Variants in GPNMB observed in about 807,000 individuals in gnomAD.
GPNMB encodes transmembrane glycoprotein NMB.
GPNMB carries 71 observed loss-of-function variants against 57.3 expected under a neutral mutation model. The observed-to-expected ratio is 1.24, with a 90% CI of 1.02 to 1.51. The LOEUF (loss-of-function observed/expected upper bound fraction) is 1.51. GPNMB is among the 40% of genes most tolerant of loss of function. GPNMB has a pLI of 0.00. For synonymous variants in GPNMB, 253 were observed against 263.2 expected, an observed-to-expected ratio of 0.96 and a Z score of 0.38; for missense variants, 677 against 691.9, an observed-to-expected ratio of 0.98 and a Z score of 0.24.
At chr7:23,261,542 A>C (rs1782922957) in intron 6 of GPNMB, among the ~76,000 whole-genome samples, 1 of 152,122 alleles carries the variant, frequency 6.6e-6, no homozygotes, top group African/African-American at 2.4e-5. Flanking sequence ...CAGAAAACCA[A>C]ACGCCGCATG....
chr7:23,268,403 G>T (rs1273426595), intron 8 of GPNMB, among the ~76,000 whole-genome samples: 1 of 152,130 alleles, frequency 6.6e-6, no homozygotes, highest in African/African-American at 2.4e-5. Flanking sequence ...GCAGCTCACA[G>T]GAGTGCTCTT....
chr7:23,246,937 C>G lies in GPNMB; in HGVS notation c.70+10C>G, dbSNP rs1194641265. On this transcript the variant is annotated intron_variant, in intron 1 of 10. Transcript: ENST00000258733. ...CTTGATGCCGCCAAACGTGAGTAAC[C>G]CTTAATTTCTATGTTTAACCCATTC... The G allele has an allele frequency of 5.6e-6, 9 of 1,601,170 alleles. 1 individual carries two copies. In the Middle Eastern group the frequency reaches 5.0e-4, roughly 88 times the overall value.
intron 6 of GPNMB, among the ~76,000 whole-genome samples, chr7:23,262,978 T>C (rs1782966473): frequency 6.6e-6 from 1 of 152,152 alleles, no homozygotes; most frequent in African/African-American, 2.4e-5. Flanking sequence ...CAATTATAAC[T>C]GTATTGAACA....
Position 23,270,005 on chromosome 7 carries a change from C to T in GPNMB, c.1259C>T (p.Thr420Ile). 1 of 1,614,128 alleles carries T rather than the reference C, an allele frequency of 6.2e-7. No individual in the cohort carries two copies. Among genetic ancestry groups the T allele is most frequent in the Non-Finnish European group, 8.5e-7 (1 of 1,180,024 alleles). ...TEVCTIISDP[T>I]CEITQNTVCS... Reference sequence around the variant, plus strand: ...GTCTGTACCATCATTTCTGACCCCACCTGCGAGATCACCCAGAACACAGTC... The same window carrying T: ...GTCTGTACCATCATTTCTGACCCCATCTGCGAGATCACCCAGAACACAGTC... The change falls in exon 9 of 11, where the codon ACC becomes ATC. Residue 420 changes from threonine (T) to isoleucine (I), a missense_variant. Physicochemically the swap from Thr to Ile is moderately conservative, Grantham distance 89. Coordinates refer to ENST00000258733, the MANE Select transcript of GPNMB (RefSeq NM_002510.3).
At chr7:23,264,097 A>G (rs1317723287) in intron 6 of GPNMB, among the ~76,000 whole-genome samples, 5 of 91,156 alleles carry the variant, frequency 5.5e-5, no homozygotes, top group Non-Finnish European at 8.5e-5. Flanking sequence ...AACAAATCTG[A>G]AAAAAAAAAA....
chr7:23,248,114 C>G (rs1782577922), intron 1 of GPNMB: 3 of 152,340 alleles, frequency 2.0e-5, no homozygotes, highest in African/African-American at 7.2e-5. Context: ...TGCTCCATTT[C>G]CTCATTTCCT....
intron 6 of GPNMB, 117 bp from the exon 7 acceptor site, chr7:23,266,400 G>A: frequency 1.1e-6 from 1 of 917,234 alleles, no homozygotes; most frequent in Non-Finnish European, 1.7e-6. Flanking sequence ...TCATAGTATA[G>A]TGTTCCTGAT....
chr7:23,253,481 A>G, intron 2 of GPNMB, 22 bp downstream of exon 2: 1 of 1,599,796 alleles, frequency 6.3e-7, no homozygotes. Flanking sequence ...GATTCAAACC[A>G]AACACCTGCA....
At chr7:23,255,471 T>C (rs1044305707) in intron 3 of GPNMB, among the ~76,000 whole-genome samples, 2 of 152,244 alleles carry the variant, frequency 1.3e-5, no homozygotes, top group African/African-American at 4.8e-5. Context: ...GGATACTTAA[T>C]TTGGTTCCAT....
chr7:23,272,846 C>CTTTTTTTTTTTTTTTTTTTTTT (rs34346503), intron 9 of GPNMB, among the ~76,000 whole-genome samples: 1 of 139,636 alleles, frequency 7.2e-6, no homozygotes, highest in African/African-American at 2.7e-5. Context: ...AGGTGGTGAT[C>CTTTTTTTTTTTTTTTTTTTTTT]TTTTTTTTTT....
intron 7 of GPNMB, 82 bp downstream of exon 7, chr7:23,266,697 G>A: frequency 7.9e-7 from 1 of 1,266,900 alleles, no homozygotes; most frequent in South Asian, 1.4e-5. Flanking sequence ...ACTCTGAAGG[G>A]GTAGAGGTAG....
At chr7:23,271,473 T>C (rs6944399) in intron 9 of GPNMB, among the ~76,000 whole-genome samples, 6,272 of 152,234 alleles carry the variant, frequency 0.041, 360 homozygotes, top group East Asian at 0.12. Context: ...TATTTCCAGC[T>C]ACAAAAACAA....
intron 5 of GPNMB, 55 bp downstream of exon 5, chr7:23,260,193 T>C (rs1008627393): frequency 2.5e-6 from 4 of 1,582,570 alleles, no homozygotes; most frequent in Non-Finnish European, 3.5e-6. Flanking sequence ...TTGACGTCAA[T>C]GGGTTAAAAA....
At chr7:23,271,363 C>T (rs904687837) in intron 9 of GPNMB, among the ~76,000 whole-genome samples, 1 of 152,220 alleles carries the variant, frequency 6.6e-6, no homozygotes, top group Non-Finnish European at 1.5e-5. Flanking sequence ...TTACTTCACT[C>T]CTTAATTGGA....
At chr7:23,273,902 A>C in intron 10 of GPNMB, 163 bp from the exon 11 acceptor site, 2 of 599,972 alleles carry the variant, frequency 3.3e-6, no homozygotes, top group Non-Finnish European at 5.8e-6. Context: ...TTGCATGAAC[A>C]AGAGTAAATA....
intron 7 of GPNMB, 42 bp downstream of exon 7, chr7:23,266,657 T>C: frequency 6.3e-7 from 1 of 1,591,388 alleles, no homozygotes; most frequent in South Asian, 1.1e-5. Context: ...GATGCTAGAC[T>C]CCACCTAGGG....
At chr7:23,266,049 C>G (rs1259266199) in intron 6 of GPNMB, 1 of 156,418 alleles carries the variant, frequency 6.4e-6, no homozygotes, top group African/African-American at 2.4e-5. Flanking sequence ...CCCAGTTTCA[C>G]GCCATTCTCC....
At chr7:23,272,453 G>C (rs886121576) in intron 9 of GPNMB, among the ~76,000 whole-genome samples, 4 of 151,894 alleles carry the variant, frequency 2.6e-5, no homozygotes, top group Admixed American at 1.3e-4. Flanking sequence ...GCAAAACCCT[G>C]TCTGAAAGAG....
At chr7:23,269,865 T>C in intron 8 of GPNMB, 102 bp from the exon 9 acceptor site, 1 of 774,982 alleles carries the variant, frequency 1.3e-6, no homozygotes, top group Non-Finnish European at 2.2e-6. Context: ...TGGAATTCAA[T>C]TTCATAGAAA....
Sources: gnomAD v4.1 joint callset for allele counts (sites outside exome capture counted in the v4.1 genomes callset) on GRCh38, gnomAD v4.1.1 for gene constraint, MANE v1.5 for transcripts, NCBI Gene and HGNC (gene_info 2026-07-23, HGNC 2026-07-21) for gene names.